Variants in SORCS2 observed in about 807,000 individuals in gnomAD.
SORCS2 encodes the protein VPS10 domain-containing receptor SorCS2.
In SORCS2, 100 loss-of-function variants were observed where a neutral mutation model predicts 141.6. The ratio of observed to expected loss-of-function variants is 0.71; its 90% CI spans 0.60 to 0.83. The LOEUF (loss-of-function observed/expected upper bound fraction) is 0.83, where lower values mean the gene tolerates loss of function less well. Ranked by LOEUF, SORCS2 falls within the 40% of genes least tolerant of loss-of-function variation. SORCS2 has a pLI of 0.00. For missense variants in SORCS2, 1,646 were observed against 1,560.2 expected (o/e 1.05, Z -0.93); for synonymous variants, 789 against 676.9 (o/e 1.17, Z -2.57).
chr4:7,661,876 G>A (rs1560464858), intron 6 of SORCS2, among the ~76,000 whole-genome samples: 1 of 152,090 alleles, frequency 6.6e-6, no homozygotes, highest in Non-Finnish European at 1.5e-5. Context: ...GGGGGCGGGG[G>A]TGGGGGCACG....
At position 7,435,228 on chromosome 4, in the gene SORCS2, C is replaced by G. The variant is rs558269112; in HGVS notation, c.548+38873C>G. Among the ~76,000 whole-genome samples, 4 of 152,314 alleles carry G rather than the reference C, an allele frequency of 2.6e-5. No homozygotes were observed. In the East Asian group the frequency reaches 7.7e-4, roughly 29 times the overall value. On this transcript the variant is annotated intron_variant, in intron 2 of 26. Transcript: ENST00000507866. ...GCAGTAGTTCCTGGGGTTCCCTTCC[C>G]TGCAGCTCACTGTCCTCTCCTGACT...
intron 1 of SORCS2, among the ~76,000 whole-genome samples, chr4:7,309,501 G>A (rs1440204353): frequency 6.6e-6 from 1 of 152,186 alleles, no homozygotes; most frequent in Non-Finnish European, 1.5e-5. Context: ...GACACCGGGC[G>A]ACACAGACGA....
intron 14 of SORCS2, among the ~76,000 whole-genome samples, chr4:7,712,457 G>A (rs967764992): frequency 6.6e-5 from 10 of 152,228 alleles, no homozygotes; most frequent in Non-Finnish European, 1.0e-4. Flanking sequence ...CGGGGCCACT[G>A]GGGGCCAACC....
At position 7,361,902 on chromosome 4, in the gene SORCS2, G is replaced by C. The variant is rs7688797; in HGVS notation, c.481-34386G>C. On this transcript the variant is annotated intron_variant, in intron 1 of 26. Transcript: ENST00000507866. The stretch of plus-strand genomic sequence containing the variant: ...GCACAGAGCACAGTGAGAAGCGGTG[G>C]GGGGGAGGACGCGGGGAGGGCGGTG... 2.6e-4 allele frequency among the ~76,000 whole-genome samples: 39 copies of C among 151,214 alleles called. No homozygotes were observed. In the East Asian group the frequency reaches 6.5e-3, roughly 25 times the overall value.
intron 2 of SORCS2, among the ~76,000 whole-genome samples, chr4:7,521,274 T>C (rs991060112): frequency 6.6e-6 from 1 of 152,202 alleles, no homozygotes; most frequent in Non-Finnish European, 1.5e-5. Context: ...GTTCAGATCC[T>C]GCTGCCTTCG....
intron 2 of SORCS2, among the ~76,000 whole-genome samples, chr4:7,473,453 G>T (rs961025292): frequency 6.6e-6 from 1 of 152,184 alleles, no homozygotes; most frequent in Non-Finnish European, 1.5e-5. Flanking sequence ...TTCACCCTGC[G>T]GTTGGGAAGG....
At chr4:7,665,188 T>C (rs537692296) in intron 7 of SORCS2, among the ~76,000 whole-genome samples, 1 of 152,280 alleles carries the variant, frequency 6.6e-6, no homozygotes, top group African/African-American at 2.4e-5. Flanking sequence ...CAGAAGGGCC[T>C]CCGTGCTTCC....
rs192706890 is a variant in SORCS2, at chr4:7,565,162, G to A, written c.648+33533G>A. On this transcript the variant is annotated intron_variant, in intron 3 of 26. Transcript: ENST00000507866. ...CAGGCTGCGTTTGTTTCCTCTGACCGAGGATCGATAAGACATGATTTTAAA... is the reference window on the plus strand; with the variant it reads ...CAGGCTGCGTTTGTTTCCTCTGACCAAGGATCGATAAGACATGATTTTAAA... Among the ~76,000 whole-genome samples the A allele has an allele frequency of 9.4e-4, 143 of 152,282 alleles. 2 individuals carry two copies. The highest frequency in any genetic ancestry group is 3.1e-3 in the African/African-American group (128 of 41,548).
rs535186174 is a variant in SORCS2, at chr4:7,729,596, G to A, written c.2992G>A (p.Val998Ile). The part of the protein sequence containing the change: ...VTRLLSKETS[V>I]PQELLVTVVK... ...TTAACTCTCCCCGCAGGAGACCAGC[G>A]TCCCTCAGGAGCTTCTGGTGACTGT... Residue 998 changes from valine (V) to isoleucine (I), a missense_variant, in exon 23 of 27, where the codon GTC becomes ATC. Physicochemically the swap from Val to Ile is conservative, Grantham distance 29. Coordinates refer to ENST00000507866, the MANE Select transcript of SORCS2 (RefSeq NM_020777.3). 9.9e-5 allele frequency: 157 copies of A among 1,584,864 alleles called. 1 individual carries two copies. The highest frequency in any genetic ancestry group is 2.7e-4 in the South Asian group (23 of 86,552).
At chr4:7,736,091 C>T (rs1712145784) in intron 25 of SORCS2, among the ~76,000 whole-genome samples, 1 of 152,244 alleles carries the variant, frequency 6.6e-6, no homozygotes. Flanking sequence ...GCCCGTTTGT[C>T]CCCAGTGGCC....
chr4:7,329,651 G>T (rs1719515344), intron 1 of SORCS2, among the ~76,000 whole-genome samples: 1 of 152,222 alleles, frequency 6.6e-6, no homozygotes, highest in African/African-American at 2.4e-5. Flanking sequence ...CACCGCTGCT[G>T]TAACAAATGC....
chr4:7,358,097 G>C lies in SORCS2; in HGVS notation c.481-38191G>C, dbSNP rs1189083299. ...AGAAAATAATACATCTGGTCTCATGGATGCGGAATCTGTTTTCACAGGAAA... is the reference window on the plus strand; with the variant it reads ...AGAAAATAATACATCTGGTCTCATGCATGCGGAATCTGTTTTCACAGGAAA... On this transcript the variant is annotated intron_variant, in intron 1 of 26. Transcript: ENST00000507866. 2.0e-5 allele frequency among the ~76,000 whole-genome samples: 3 copies of C among 152,208 alleles called. No homozygotes were observed. In the East Asian group the frequency reaches 5.8e-4, roughly 29 times the overall value.
At chr4:7,728,626 G>A (rs963663386) in intron 22 of SORCS2, among the ~76,000 whole-genome samples, 164 bp downstream of exon 22, 5 of 152,208 alleles carry the variant, frequency 3.3e-5, no homozygotes, top group African/African-American at 9.6e-5. Context: ...AGCTATGGAT[G>A]GGGGGCAGGC....
At chr4:7,403,020 C>T (rs1383350218) in intron 2 of SORCS2, among the ~76,000 whole-genome samples, 2 of 152,060 alleles carry the variant, frequency 1.3e-5, no homozygotes, top group East Asian at 1.9e-4. Context: ...CTGCCAGGTA[C>T]CATTCATTCT....
chr4:7,469,736 G>T (rs1729855207), intron 2 of SORCS2, among the ~76,000 whole-genome samples: 1 of 152,110 alleles, frequency 6.6e-6, no homozygotes. Flanking sequence ...TGCTTAAAAA[G>T]CTCCCCAGGT....
chr4:7,475,397 G>A (rs1007638923), intron 2 of SORCS2, among the ~76,000 whole-genome samples: 1 of 152,162 alleles, frequency 6.6e-6, no homozygotes, highest in Non-Finnish European at 1.5e-5. Flanking sequence ...GAGGAGGCCC[G>A]GATGCCTCTG....
At chr4:7,210,223 G>T (rs961693674) in intron 1 of SORCS2, among the ~76,000 whole-genome samples, 1 of 152,094 alleles carries the variant, frequency 6.6e-6, no homozygotes, top group Non-Finnish European at 1.5e-5. Context: ...CATCTTTGGC[G>T]CCCACCCACT....
intron 4 of SORCS2, among the ~76,000 whole-genome samples, chr4:7,652,979 C>T (rs1343735757): frequency 6.6e-6 from 1 of 152,054 alleles, no homozygotes; most frequent in East Asian, 1.9e-4. Flanking sequence ...TGCTCCCTGG[C>T]CCACAGGGAC....
chr4:7,535,635 A>G (rs1047490193), intron 3 of SORCS2, among the ~76,000 whole-genome samples: 3 of 152,196 alleles, frequency 2.0e-5, no homozygotes, highest in Non-Finnish European at 4.4e-5. Flanking sequence ...TACTCGTGTG[A>G]CCCACCGTTA....
Sources: gnomAD v4.1 joint callset for allele counts (sites outside exome capture counted in the v4.1 genomes callset) on GRCh38, gnomAD v4.1.1 for gene constraint, MANE v1.5 for transcripts, NCBI Gene and HGNC (gene_info 2026-07-23, HGNC 2026-07-21) for gene names.